Variants in NALF1 observed in about 807,000 individuals in gnomAD.
NALF1 encodes the protein NALCN channel auxiliary factor 1, also known as family with sequence similarity 155 member A.
In NALF1, 3 loss-of-function variants were observed where a neutral mutation model predicts 48.4. The ratio of observed to expected loss-of-function variants is 0.06; its 90% CI spans 0.03 to 0.16. NALF1 has a LOEUF of 0.16. Ranked by LOEUF, NALF1 falls within the 10% of genes least tolerant of loss-of-function variation. The probability of loss-of-function intolerance (pLI) is 1.00; values close to 1 mark genes in which losing one functional copy is unlikely to be tolerated. For synonymous variants in NALF1, 262 were observed against 245.7 expected (o/e 1.07, Z -0.62); for missense variants, 526 against 571.5 (o/e 0.92, Z 0.81).
At chr13:107,785,571 A>G (rs1480727972) in intron 1 of NALF1, among the ~76,000 whole-genome samples, 1 of 152,176 alleles carries the variant, frequency 6.6e-6, no homozygotes, top group Non-Finnish European at 1.5e-5. Flanking sequence ...GGGGTAACAG[A>G]TAAAAGATTA....
chr13:107,297,831 T>C (rs1881753729), intron 1 of NALF1, among the ~76,000 whole-genome samples: 1 of 152,198 alleles, frequency 6.6e-6, no homozygotes, highest in Non-Finnish European at 1.5e-5. Flanking sequence ...TATAGCCACA[T>C]GGATGTTAAC....
chr13:107,685,015 C>T (rs1447712879), intron 1 of NALF1, among the ~76,000 whole-genome samples: 4 of 152,174 alleles, frequency 2.6e-5, no homozygotes, highest in Non-Finnish European at 5.9e-5. Context: ...CATCTTCCTT[C>T]CTAGTTAAAA....
chr13:107,235,623 C>T (rs541495415), intron 1 of NALF1, among the ~76,000 whole-genome samples: 4 of 152,112 alleles, frequency 2.6e-5, no homozygotes, highest in Non-Finnish European at 4.4e-5. Context: ...GAGAAAAGTC[C>T]GTACATGTTC....
At chr13:107,248,293 C>T (rs894052819) in intron 1 of NALF1, among the ~76,000 whole-genome samples, 19 of 152,022 alleles carry the variant, frequency 1.2e-4, no homozygotes, top group Admixed American at 2.6e-4. Context: ...AACGCTTTCA[C>T]TGTACCACAT....
chr13:107,738,872 C>A (rs1876545283), intron 1 of NALF1, among the ~76,000 whole-genome samples: 1 of 152,056 alleles, frequency 6.6e-6, no homozygotes, highest in African/African-American at 2.4e-5. Flanking sequence ...CCATGCTTGC[C>A]AGGCTGGTCT....
chr13:107,287,828 C>A (rs1473339108), intron 1 of NALF1, among the ~76,000 whole-genome samples: 1 of 151,476 alleles, frequency 6.6e-6, no homozygotes, highest in Non-Finnish European at 1.5e-5. Flanking sequence ...GCCTCAGCCT[C>A]CCGAGTAACT....
chr13:107,816,438 G>A (rs1279010167), intron 1 of NALF1, among the ~76,000 whole-genome samples: 5 of 152,066 alleles, frequency 3.3e-5, no homozygotes, highest in African/African-American at 1.2e-4. Context: ...GAGAGAATGA[G>A]GAAAAAGCAA....
At chr13:107,551,574 G>C (rs1396787644) in intron 1 of NALF1, among the ~76,000 whole-genome samples, 3 of 151,848 alleles carry the variant, frequency 2.0e-5, no homozygotes, top group Non-Finnish European at 4.4e-5. Flanking sequence ...ATCATTTCTT[G>C]TGCCCCTACT....
At chr13:107,826,549 A>G (rs1317279834) in intron 1 of NALF1, among the ~76,000 whole-genome samples, 1 of 152,228 alleles carries the variant, frequency 6.6e-6, no homozygotes, top group African/African-American at 2.4e-5. Context: ...AGCAGAATGA[A>G]AAGTTATTTT....
intron 2 of NALF1, among the ~76,000 whole-genome samples, chr13:107,176,502 C>T (rs949341138): frequency 2.0e-5 from 3 of 151,834 alleles, no homozygotes; most frequent in Middle Eastern, 6.8e-3. Flanking sequence ...ATTAGCCAGG[C>T]GTGGTGGCGG....
intron 1 of NALF1, among the ~76,000 whole-genome samples, chr13:107,582,974 C>T (rs925106871): frequency 8.5e-5 from 13 of 152,048 alleles, no homozygotes; most frequent in East Asian, 1.9e-4. Context: ...ATCACCTTTT[C>T]CCCCCTCTCT....
intron 1 of NALF1, among the ~76,000 whole-genome samples, chr13:107,572,144 T>A (rs950601863): frequency 5.3e-5 from 8 of 152,194 alleles, no homozygotes. Flanking sequence ...ATAAATACAT[T>A]CATATTAATA....
At chr13:107,330,320 G>C (rs1882445283) in intron 1 of NALF1, among the ~76,000 whole-genome samples, 1 of 152,312 alleles carries the variant, frequency 6.6e-6, no homozygotes, top group Middle Eastern at 3.4e-3. Flanking sequence ...AGAAATATAT[G>C]AGCACATTGT....
chr13:107,315,765 T>A (rs1594116931), intron 1 of NALF1, among the ~76,000 whole-genome samples: 1 of 151,870 alleles, frequency 6.6e-6, no homozygotes, highest in East Asian at 1.9e-4. Context: ...GTTTAGCATC[T>A]CTCTTTGCTT....
intron 2 of NALF1, among the ~76,000 whole-genome samples, chr13:107,175,283 G>A (rs1878903916): frequency 6.7e-6 from 1 of 149,798 alleles, no homozygotes; most frequent in Non-Finnish European, 1.5e-5. Flanking sequence ...GGGATTTGGG[G>A]ACCTGACTGC....
At chr13:107,821,823 T>C (rs938994272) in intron 1 of NALF1, among the ~76,000 whole-genome samples, 1 of 152,240 alleles carries the variant, frequency 6.6e-6, no homozygotes, top group African/African-American at 2.4e-5. Context: ...TAAAATACTG[T>C]CATTGTTATT....
chr13:107,243,263 T>A (rs915179704), intron 1 of NALF1, among the ~76,000 whole-genome samples: 1 of 152,330 alleles, frequency 6.6e-6, no homozygotes, highest in Non-Finnish European at 1.5e-5. Context: ...ACATATTTTA[T>A]GTGTTGAAAT....
intron 1 of NALF1, among the ~76,000 whole-genome samples, chr13:107,220,140 T>C (rs1018447214): frequency 6.6e-6 from 1 of 152,210 alleles, no homozygotes; most frequent in Non-Finnish European, 1.5e-5. Context: ...AGCAGGCTCT[T>C]TGCATTCTTT....
intron 1 of NALF1, among the ~76,000 whole-genome samples, chr13:107,680,948 A>AGT (rs140128926): frequency 0.026 from 3,328 of 129,586 alleles, 71 homozygotes; most frequent in African/African-American, 0.071. Context: ...TGAGTGTAAC[A>AGT]GTGTGTGTGT....
Sources: gnomAD v4.1 joint callset for allele counts (sites outside exome capture counted in the v4.1 genomes callset) on GRCh38, gnomAD v4.1.1 for gene constraint, MANE v1.5 for transcripts, NCBI Gene and HGNC (gene_info 2026-07-23, HGNC 2026-07-21) for gene names.